C6orf132: variants seen among roughly 807,000 people sequenced by gnomAD.
C6orf132 encodes uncharacterized protein C6orf132.
In C6orf132, 43 loss-of-function variants were observed where a neutral mutation model predicts 65.3. The ratio of observed to expected loss-of-function variants is 0.66; its 90% confidence interval spans 0.52 to 0.85. The LOEUF is 0.85. Ranked by LOEUF, C6orf132 falls within the 40% of genes least tolerant of loss-of-function variation. The pLI is 0.00. For synonymous variants in C6orf132, 631 were observed against 654.1 expected (o/e 0.96, Z 0.54); for missense variants, 1,488 against 1,548.8 (o/e 0.96, Z 0.66).
intron 2 of C6orf132, among the ~76,000 whole-genome samples, chr6:42,123,265 C>G (rs1419534576): frequency 4.6e-5 from 7 of 152,146 alleles, no homozygotes; most frequent in Non-Finnish European, 8.8e-5. Flanking sequence ...CGCCTGTAGT[C>G]TCAGCTACTC....
In C6orf132 at chr6:42,124,890, C is replaced by T. The variant is rs1486587455; in HGVS notation, c.252+3782G>A. 2.0e-5 allele frequency among the ~76,000 whole-genome samples: 3 copies of T among 152,210 alleles called. No homozygotes were observed. The highest frequency in any genetic ancestry group is 4.4e-5 in the Non-Finnish European group (3 of 68,044). ...CAAGCGACGAACGACATGGAAGCTG[C>T]CCTATCTTGTGACCTGAGTGAGGAG... On this transcript the variant is annotated intron_variant, in intron 2 of 4. Coordinates refer to ENST00000341865, the MANE Select transcript of C6orf132 (RefSeq NM_001164446.3). The surrounding 1 kb of genome is among the most constrained non-coding windows in gnomAD (Gnocchi z 4.0).
chr6:42,130,157 AG>A (rs1403397840), intron 1 of C6orf132, among the ~76,000 whole-genome samples: 60 of 152,200 alleles, frequency 3.9e-4, no homozygotes, highest in African/African-American at 1.4e-3. Context: ...ACGTCTCAAA[AG>A]GGGCCCGAAC....
chr6:42,124,160 G>A lies in C6orf132; in HGVS notation c.252+4512C>T, dbSNP rs1465592927. Among the ~76,000 whole-genome samples the A allele has an allele frequency of 2.6e-5, 4 of 152,204 alleles. No homozygotes were observed. The highest frequency in any genetic ancestry group is 4.4e-5 in the Non-Finnish European group (3 of 68,024). On this transcript the variant is annotated intron_variant, in intron 2 of 4. Transcript: ENST00000341865. The surrounding 1 kb of genome is among the most constrained non-coding windows in gnomAD (Gnocchi z 4.0). The stretch of plus-strand genomic sequence containing the variant: ...GAAGGGACTGGCCTGCAGCCACCCC[G>A]CATCCCAGCAGCAGAGCTGGGACTG...
In C6orf132 at chr6:42,103,872, G is replaced by A. The variant is rs1766340007; in HGVS notation, c.3456C>T (p.Pro1152=). 6.9e-7 allele frequency: 1 copy of A among 1,456,010 alleles called. No individual in the cohort carries two copies. The highest frequency in any genetic ancestry group is 9.0e-7 in the Non-Finnish European group (1 of 1,106,784). 90.2% of individuals were successfully genotyped at this position (1,456,010 alleles called of 1,614,324 possible). A position where few individuals can be genotyped will look rare whatever the true frequency, so the allele number is the denominator to read the frequency against. ...YGFAPAAGRS[P]YTTTRYGSPI... is the part of the protein sequence containing the mutation. ...GGCTTCCATAGCGGGTGGTGGTGTA[G>A]GGAGACCTGGGGGAGAGCAAGAGAT... Residue 1152 remains proline (P), a synonymous_variant, in exon 5 of 5, where the codon CCC becomes CCT. Coordinates refer to ENST00000341865, the MANE Select transcript of C6orf132 (RefSeq NM_001164446.3).
chr6:42,133,829 C>CG (rs1187083794), intron 1 of C6orf132, among the ~76,000 whole-genome samples: 4 of 2,008 alleles, frequency 2.0e-3, no homozygotes, highest in East Asian at 0.026. Context: ...GGGGCGGGGG[C>CG]GGGGCGGGGC....
Position 42,112,595 on chromosome 6 carries a change from G to T in C6orf132, c.253-2304C>A, listed in dbSNP as rs138309916. Among the ~76,000 whole-genome samples the T allele has an allele frequency of 4.5e-3, 685 of 152,270 alleles. 5 individuals are homozygous for T. Among genetic ancestry groups the T allele is most frequent in the Non-Finnish European group, 3.5e-3 (238 of 68,032 alleles). On this transcript the variant is annotated intron_variant, in intron 2 of 4. Transcript: ENST00000341865. ...AAAAAGCACTTGGGAGCCATCCCCT[G>T]TCCGCACCACACTGACCCACTGCTA...
chr6:42,114,898 G>A (rs933918291), intron 2 of C6orf132, among the ~76,000 whole-genome samples: 1 of 151,754 alleles, frequency 6.6e-6, no homozygotes, highest in South Asian at 2.1e-4. Context: ...CCAGCTACTC[G>A]GGAGGCTAAG....
In C6orf132 at chr6:42,105,197, GTCCTTC is replaced by G; in HGVS notation, c.2709_2714del (p.Glu903_Lys904del). ...TGGGTATTTCGGTCGTCAGCGGGGA[GTCCTTC>G]TCAGCCTCCTTGGGTAACTTGGGCA... On this transcript the variant is annotated inframe_deletion, in exon 4 of 5. Transcript: ENST00000341865. 1 of 1,537,196 alleles carries G rather than the reference GTCCTTC, an allele frequency of 6.5e-7. No homozygotes were observed. The highest frequency in any genetic ancestry group is 8.7e-7 in the Non-Finnish European group (1 of 1,146,902).
Position 42,106,451 on chromosome 6 carries a change from GAATCGGTCC to G in C6orf132, c.1452_1460del (p.Glu484_Phe487delinsAsp). 1 of 1,536,292 alleles carries G rather than the reference GAATCGGTCC, an allele frequency of 6.5e-7. No individual in the cohort carries two copies. The highest frequency in any genetic ancestry group is 1.2e-5 in the South Asian group (1 of 84,046). On this transcript the variant is annotated inframe_deletion, in exon 4 of 5. Coordinates refer to ENST00000341865, the MANE Select transcript of C6orf132 (RefSeq NM_001164446.3). ...CTGTTGGGCCTGGCCTGTGACTGAGGAATCGGTCCTCTCTCCTGGAGCCACAGAGATAGG... is the reference window on the plus strand; with the variant it reads ...CTGTTGGGCCTGGCCTGTGACTGAGGTCTCTCCTGGAGCCACAGAGATAGG...
At chr6:42,137,126 G>A (rs1766956498) in intron 1 of C6orf132, among the ~76,000 whole-genome samples, 1 of 152,232 alleles carries the variant, frequency 6.6e-6, no homozygotes, top group African/African-American at 2.4e-5. Context: ...ACCTATCTGA[G>A]CCTTGCTTCT....
chr6:42,123,508 AAGG>A (rs1274962488), intron 2 of C6orf132, among the ~76,000 whole-genome samples: 5 of 151,012 alleles, frequency 3.3e-5, no homozygotes, highest in East Asian at 1.9e-4. Context: ...AAGAAAGAAG[AAGG>A]AGGAGAGGGA....
At position 42,105,590 on chromosome 6, in the gene C6orf132, G is replaced by T; in HGVS notation, c.2322C>A (p.His774Gln). The T allele has an allele frequency of 6.5e-7, 1 of 1,536,854 alleles. No individual in the cohort carries two copies. Among genetic ancestry groups the T allele is most frequent in the East Asian group, 2.4e-5 (1 of 40,916 alleles). Residue 774 changes from histidine (H) to glutamine (Q), a missense_variant, in exon 4 of 5, where the codon CAC (histidine) becomes CAA (glutamine). Coordinates refer to ENST00000341865, the MANE Select transcript of C6orf132 (RefSeq NM_001164446.3). ...EVPCLYKPHC[H>Q]QSSLSREVAV... Reference sequence around the variant, plus strand: ...CAACCTCACGGCTGAGGCTGCTCTGGTGGCAGTGGGGCTTGTAGAGACATG... The same window carrying T: ...CAACCTCACGGCTGAGGCTGCTCTGTTGGCAGTGGGGCTTGTAGAGACATG...
rs116998188 is a variant in C6orf132 at position 42,103,505 on chromosome 6, C to T, written c.*256G>A. ...GCGCCCAGGTCCTTAATGGTTCCTT[C>T]TCTCTACCCTCCTTCCCCTCCCACC... On this transcript the variant is annotated 3_prime_UTR_variant, in exon 5 of 5. Coordinates refer to ENST00000341865, the MANE Select transcript of C6orf132 (RefSeq NM_001164446.3). The T allele has an allele frequency of 2.6e-6, 1 of 390,476 alleles. No homozygotes were observed. The highest frequency in any genetic ancestry group is 2.1e-5 in the African/African-American group (1 of 48,488). 24.2% of individuals were successfully genotyped at this position (390,476 alleles called of 1,614,324 possible).
chr6:42,127,258 T>G (rs367905960), intron 2 of C6orf132, among the ~76,000 whole-genome samples: 2 of 152,222 alleles, frequency 1.3e-5, no homozygotes, highest in East Asian at 1.9e-4. Context: ...TTATACCTTG[T>G]TGGTGGTGGT....
Position 42,101,996 on chromosome 6 carries a change from G to C in C6orf132, c.*1765C>G, listed in dbSNP as rs2127472057. 1.3e-5 allele frequency: 2 copies of C among 152,314 alleles called. No individual in the cohort carries two copies. The highest frequency in any genetic ancestry group is 4.1e-4 in the South Asian group (2 of 4,828). The allele number at this position is 152,314 out of a possible 1,614,324, so 9.4% of individuals were successfully genotyped here. A position where few individuals can be genotyped will look rare whatever the true frequency, so the allele number is the denominator to read the frequency against. On this transcript the variant is annotated 3_prime_UTR_variant, in exon 5 of 5. Transcript: ENST00000341865. ...CTCTCCAGTCCTTCCTTCTTACTGA[G>C]GCAGCCCACCTTGACCTGGTCCCAG...
At chr6:42,126,847 C>CAAA (rs35231653) in intron 2 of C6orf132, 39,249 of 343,920 alleles carry the variant, frequency 0.11, 2,398 homozygotes, top group African/African-American at 0.26. Context: ...ACTCAGTCTG[C>CAAA]AAAAAAAAAA....
chr6:42,124,979 G>A lies in C6orf132; in HGVS notation c.252+3693C>T, dbSNP rs1258828176. Among the ~76,000 whole-genome samples, 1 of 152,210 alleles carries A rather than the reference G, an allele frequency of 6.6e-6. No individual in the cohort carries two copies. ...GGTTCCTAATCTAAAGGCATATCAT[G>A]GGTGGGCTTCAGTCCCCTGCTGAAA... On this transcript the variant is annotated intron_variant, in intron 2 of 4. Coordinates refer to ENST00000341865, the MANE Select transcript of C6orf132 (RefSeq NM_001164446.3). This position sits in a 1 kb window ranked among gnomAD's most constrained non-coding sequence, Gnocchi z 4.0.
intron 1 of C6orf132, among the ~76,000 whole-genome samples, chr6:42,133,735 A>C (rs1318208192): frequency 6.7e-6 from 1 of 148,588 alleles, no homozygotes; most frequent in Non-Finnish European, 1.5e-5. Context: ...TTTCCCCCCA[A>C]ATGGAATCCT....
intron 2 of C6orf132, among the ~76,000 whole-genome samples, chr6:42,122,573 C>T (rs1183723958): frequency 2.0e-5 from 3 of 152,062 alleles, no homozygotes; most frequent in Admixed American, 6.6e-5. Flanking sequence ...TCGTGGCAGG[C>T]CTAACACCCC....
Sources: gnomAD v4.1 joint callset for allele counts (sites outside exome capture counted in the v4.1 genomes callset) on GRCh38, gnomAD v4.1.1 for gene constraint, Gnocchi (gnomAD v3.1) non-coding constraint, MANE v1.5 for transcripts, NCBI Gene and HGNC (gene_info 2026-07-23, HGNC 2026-07-21) for gene names.